Variants in TCF7L2 observed in about 807,000 individuals in gnomAD.
TCF7L2 encodes the protein transcription factor 7-like 2.
In TCF7L2, 23 loss-of-function variants were observed where a neutral mutation model predicts 77.9. The ratio of observed to expected loss-of-function variants is 0.30; its 90% CI spans 0.21 to 0.42. TCF7L2 has a LOEUF of 0.42. Ranked by LOEUF, TCF7L2 falls within the 10% of genes least tolerant of loss-of-function variation. The pLI, the probability that TCF7L2 is intolerant of heterozygous loss-of-function variation, is 1.00. For synonymous variants in TCF7L2, 413 were observed against 340.2 expected, an observed-to-expected ratio of 1.21 and a Z score of -2.36; for missense variants, 654 against 793.1, an observed-to-expected ratio of 0.82 and a Z score of 2.11.
intron 4 of TCF7L2, among the ~76,000 whole-genome samples, chr10:112,986,533 A>G (rs1386746807): frequency 6.6e-6 from 1 of 152,170 alleles, no homozygotes; most frequent in Non-Finnish European, 1.5e-5. Flanking sequence ...AAGTGAGTCA[A>G]TCTAGTTTAA....
At chr10:113,054,264 A>G (rs2054969880) in intron 5 of TCF7L2, among the ~76,000 whole-genome samples, 2 of 152,260 alleles carry the variant, frequency 1.3e-5, no homozygotes, top group African/African-American at 4.8e-5. Flanking sequence ...TGGGTAAATC[A>G]CAAATCTTTC....
chr10:113,124,945 A>G (rs1273527398), intron 5 of TCF7L2, among the ~76,000 whole-genome samples: 1 of 151,926 alleles, frequency 6.6e-6, no homozygotes, highest in East Asian at 1.9e-4. Flanking sequence ...GCTTTCGTTG[A>G]GTTGTGTTGT....
intron 5 of TCF7L2, 68 bp from the exon 6 acceptor site, chr10:113,141,116 C>T (rs929393689): frequency 1.9e-5 from 30 of 1,590,086 alleles, no homozygotes; most frequent in East Asian, 4.5e-5. Flanking sequence ...CCCACGGGCC[C>T]GGTGCTCTGA....
At chr10:113,160,857 C>G (rs1221867422) in intron 13 of TCF7L2, among the ~76,000 whole-genome samples, 3 of 152,178 alleles carry the variant, frequency 2.0e-5, no homozygotes, top group South Asian at 2.1e-4. Flanking sequence ...ATGCCATTTC[C>G]TCTCCCCACT....
chr10:113,151,254 G>A lies in TCF7L2; in HGVS notation c.1001+131G>A, dbSNP rs1398856552. 8.1e-7 allele frequency: 1 copy of A among 1,231,748 alleles called. No homozygotes were observed. Among genetic ancestry groups the A allele is most frequent in the Non-Finnish European group, 1.2e-6 (1 of 869,342 alleles). The allele number at this position is 1,231,748 out of a possible 1,614,324, so 76.3% of individuals were successfully genotyped here. A position where few individuals can be genotyped will look rare whatever the true frequency, so the allele number is the denominator to read the frequency against. On this transcript the variant is annotated intron_variant, in intron 9 of 13. Coordinates refer to ENST00000627217, the MANE Select transcript of TCF7L2 (RefSeq NM_001146274.2). The surrounding 1 kb of genome is among the most constrained non-coding windows in gnomAD (Gnocchi z 5.2). ...TGACTGCAGCCAATACCCAGCCTGT[G>A]TGGGCTCTTCACTCCCTTACAAAGA...
At chr10:113,127,849 G>A (rs982269025) in intron 5 of TCF7L2, among the ~76,000 whole-genome samples, 29 of 142,314 alleles carry the variant, frequency 2.0e-4, no homozygotes, top group African/African-American at 7.3e-4. Flanking sequence ...GCATGAGTTA[G>A]CTTATGTTGC....
chr10:113,142,500 A>G (rs1555121476), intron 6 of TCF7L2, among the ~76,000 whole-genome samples: 1 of 152,190 alleles, frequency 6.6e-6, no homozygotes, highest in Non-Finnish European at 1.5e-5. Context: ...TCCCCTTCCT[A>G]GCTCAGTAAT....
intron 5 of TCF7L2, among the ~76,000 whole-genome samples, chr10:113,072,095 C>T (rs1295324360): frequency 1.3e-5 from 2 of 152,188 alleles, no homozygotes; most frequent in African/African-American, 4.8e-5. Context: ...CTTGCTCTGT[C>T]GCCCAGGCTG....
chr10:113,106,282 A>G (rs1438617117), intron 5 of TCF7L2, among the ~76,000 whole-genome samples: 2 of 152,208 alleles, frequency 1.3e-5, no homozygotes, highest in African/African-American at 4.8e-5. Flanking sequence ...CCTCTCTTGA[A>G]CAGTGAGGAA....
intron 11 of TCF7L2, 109 bp from the exon 12 acceptor site, chr10:113,157,912 A>T: frequency 1.7e-6 from 2 of 1,146,474 alleles, no homozygotes; most frequent in Non-Finnish European, 2.5e-6. Context: ...GTGTGGATGG[A>T]GATGGCAGTA....
At chr10:113,141,389 A>C (rs2136852336) in intron 6 of TCF7L2, 73 bp downstream of exon 6, 2 of 1,599,576 alleles carry the variant, frequency 1.3e-6, no homozygotes, top group Non-Finnish European at 1.7e-6. Flanking sequence ...AGGCCTCCAC[A>C]GGAACCCCAG....
chr10:113,111,781 C>T (rs1436663549), intron 5 of TCF7L2, among the ~76,000 whole-genome samples: 2 of 152,014 alleles, frequency 1.3e-5, no homozygotes, highest in Admixed American at 6.6e-5. Flanking sequence ...AACTGAGTGA[C>T]ACCTTTTCTT....
At chr10:113,118,551 G>GTT (rs1555084699) in intron 5 of TCF7L2, among the ~76,000 whole-genome samples, 1 of 150,262 alleles carries the variant, frequency 6.7e-6, no homozygotes, top group African/African-American at 2.4e-5. Flanking sequence ...GTGTGTGTGT[G>GTT]TGTTTGTTCA....
intron 4 of TCF7L2, 67 bp from the exon 5 acceptor site, chr10:113,039,958 G>A: frequency 7.3e-7 from 1 of 1,364,866 alleles, no homozygotes; most frequent in Non-Finnish European, 1.0e-6. Flanking sequence ...TATTTCTTGG[G>A]CTAGTTGTTC....
At chr10:113,123,023 G>A (rs1256498127) in intron 5 of TCF7L2, among the ~76,000 whole-genome samples, 3 of 152,188 alleles carry the variant, frequency 2.0e-5, no homozygotes, top group Admixed American at 1.3e-4. Context: ...GGCAGCTTAG[G>A]GAGAACTGGG....
chr10:113,079,149 TG>T (rs1458092751), intron 5 of TCF7L2, among the ~76,000 whole-genome samples: 1 of 152,238 alleles, frequency 6.6e-6, no homozygotes, highest in African/African-American at 2.4e-5. Context: ...CAGCAGATTC[TG>T]ACAGGTGATG....
At chr10:113,123,637 C>T (rs1192649782) in intron 5 of TCF7L2, among the ~76,000 whole-genome samples, 1 of 152,012 alleles carries the variant, frequency 6.6e-6, no homozygotes. Flanking sequence ...ATAGGGATTA[C>T]GTTGATTTTT....
At chr10:113,006,803 C>A (rs1387022830) in intron 4 of TCF7L2, among the ~76,000 whole-genome samples, 3 of 152,190 alleles carry the variant, frequency 2.0e-5, no homozygotes, top group Admixed American at 2.0e-4. Context: ...GGGCAAAGCC[C>A]AGGACAGGGC....
At chr10:113,029,344 T>G (rs146980319) in intron 4 of TCF7L2, among the ~76,000 whole-genome samples, 3 of 152,284 alleles carry the variant, frequency 2.0e-5, no homozygotes, top group African/African-American at 7.2e-5. Context: ...GGAGTTCCCA[T>G]GCCTTTGTAA....
Sources: gnomAD v4.1 joint callset for allele counts (sites outside exome capture counted in the v4.1 genomes callset) on GRCh38, gnomAD v4.1.1 for gene constraint, Gnocchi (gnomAD v3.1) non-coding constraint, MANE v1.5 for transcripts, NCBI Gene and HGNC (gene_info 2026-07-23, HGNC 2026-07-21) for gene names.